CAD: variants seen among roughly 807,000 people sequenced by gnomAD.
CAD encodes the protein carbamoyl-phosphate synthetase 2, aspartate transcarbamylase, and dihydroorotase.
Under a neutral mutation model 237.2 loss-of-function variants are expected in CAD, and 81 were observed. The ratio of observed to expected loss-of-function variants is 0.34; its 90% CI spans 0.29 to 0.41. The LOEUF is 0.41. Ranked by LOEUF, CAD falls within the 10% of genes least tolerant of loss-of-function variation. The pLI is 1.00. For missense variants in CAD, 2,181 were observed against 2,951.7 expected, an observed-to-expected ratio of 0.74 and a Z score of 6.05; for synonymous variants, 1,196 against 1,162.8, an observed-to-expected ratio of 1.03 and a Z score of -0.58.
At position 27,242,111 on chromosome 2, in the gene CAD, T is replaced by C. The variant is rs767928958; in HGVS notation, c.6084T>C (p.Pro2028=). The C allele has an allele frequency of 1.2e-6, 2 of 1,612,760 alleles. No homozygotes were observed. Among genetic ancestry groups the C allele is most frequent in the Admixed American group, 1.7e-5 (1 of 60,018 alleles). The change falls in exon 39 of 44, where the codon CCT becomes CCC. Residue 2028 remains proline, a synonymous_variant. Coordinates refer to ENST00000264705, the MANE Select transcript of CAD (RefSeq NM_004341.5). The surrounding 1 kb of genome is among the most constrained non-coding windows in gnomAD (Gnocchi z 6.4). ...TCGTCGTGCTCCGGCACCCCCAGCC[T>C]GGAGCAGTGGAGGTGAGGCCAGCCT... is the stretch of plus-strand genomic sequence containing the variant. ...ADVVVLRHPQ[P]GAVELAAKHC... is the part of the protein sequence containing the mutation.
chr2:27,223,143 G>A (rs530233296), intron 6 of CAD, 106 bp downstream of exon 6: 10 of 1,258,196 alleles, frequency 7.9e-6, no homozygotes, highest in Admixed American at 2.0e-5. Flanking sequence ...AATAGGAGCG[G>A]GGGGGTTGCA....
At chr2:27,231,154 C>T (rs910459135) in intron 15 of CAD, among the ~76,000 whole-genome samples, 1 of 152,156 alleles carries the variant, frequency 6.6e-6, no homozygotes, top group Non-Finnish European at 1.5e-5. Flanking sequence ...TACAGGCGCC[C>T]GCCACCACTC....
rs753530814 is a variant in CAD at position 27,225,110 on chromosome 2, G to A, written c.1487G>A (p.Arg496Gln). Residue 496 changes from arginine to glutamine, a missense_variant, in exon 11 of 44, where the codon CGG becomes CAG. Physicochemically the swap from Arg to Gln is conservative, Grantham distance 43 (BLOSUM62 1). Around this residue, in one of 12 missense-constraint regions of CAD, gnomAD observed 174 missense variants for 215.8 expected, o/e 0.81. Transcript: ENST00000264705. ...CTGACCAAGGCCGGGGTGCTGGCTCGGTATGGGGTCCGGGTCCTGGGCACA... is the reference window on the plus strand; with the variant it reads ...CTGACCAAGGCCGGGGTGCTGGCTCAGTATGGGGTCCGGGTCCTGGGCACA... ...VELTKAGVLARYGVRVLGTPV... is the reference protein window; with the variant it reads ...VELTKAGVLAQYGVRVLGTPV... 18 of 1,614,118 alleles carry A rather than the reference G, an allele frequency of 1.1e-5. No homozygotes were observed. The highest frequency in any genetic ancestry group is 4.5e-5 in the East Asian group (2 of 44,888).
chr2:27,231,582 T>G lies in CAD; in HGVS notation c.2400+2T>G. The G allele has an allele frequency of 6.3e-7, 1 of 1,584,684 alleles. No individual in the cohort carries two copies. Among genetic ancestry groups the G allele is most frequent in the Non-Finnish European group, 8.7e-7 (1 of 1,153,262 alleles). On this transcript the variant is annotated splice_donor_variant, in intron 16 of 43. Coordinates refer to ENST00000264705, the MANE Select transcript of CAD (RefSeq NM_004341.5). LOFTEE classifies it high-confidence loss of function. ...ACAGTGAAACCAGTCAGCGATATGG[T>G]AAGTAGCTCCCCTCCCCTGGCAATA...
Position 27,234,118 on chromosome 2 carries a change from C to T in CAD, c.3510C>T (p.Pro1170=), listed in dbSNP as rs748683362. The T allele has an allele frequency of 8.7e-6, 14 of 1,614,030 alleles. No individual in the cohort carries two copies. In the Middle Eastern group the frequency reaches 1.5e-3, roughly 171 times the overall value. The stretch of plus-strand genomic sequence containing the variant: ...CAGGTGATGCGACGCTGGTGACCCC[C>T]CCACAAGATATCACTGCCAAAACCC... ...VHSGDATLVT[P]PQDITAKTLE... The change falls in exon 22 of 44, where the codon CCC becomes CCT. Residue 1170 remains proline (P), a synonymous_variant. Transcript: ENST00000264705.
chr2:27,239,716 A>G lies in CAD; in HGVS notation c.5414A>G (p.Tyr1805Cys). 6.3e-7 allele frequency: 1 copy of G among 1,592,354 alleles called. No homozygotes were observed. The highest frequency in any genetic ancestry group is 8.6e-7 in the Non-Finnish European group (1 of 1,168,356). ...CTGCAGGTTCTGGTACCCCCGGGCT[A>G]TGGACAGGATGTACGGAAGTGGCCA... Reference protein sequence around the residue: ...IDGQVLVPPGYGQDVRKWPQG... With the variant: ...IDGQVLVPPGCGQDVRKWPQG... Residue 1805 changes from tyrosine to cysteine, a missense_variant, in exon 34 of 44, where the codon TAT becomes TGT. Physicochemically the swap from Tyr to Cys is radical, Grantham distance 194 (BLOSUM62 -2). Around this residue, in one of 12 missense-constraint regions of CAD, gnomAD observed 478 missense variants for 515.0 expected, o/e 0.93. Coordinates refer to ENST00000264705, the MANE Select transcript of CAD (RefSeq NM_004341.5). This position sits in a 1 kb window ranked among gnomAD's most constrained non-coding sequence, Gnocchi z 4.0.
chr2:27,237,273 C>T lies in CAD; in HGVS notation c.4397-106C>T. 1.7e-6 allele frequency: 2 copies of T among 1,199,326 alleles called. No homozygotes were observed. Among genetic ancestry groups the T allele is most frequent in the Non-Finnish European group, 2.4e-6 (2 of 823,860 alleles). The allele number at this position is 1,199,326 out of a possible 1,614,324, so 74.3% of individuals were successfully genotyped here. Reference sequence around the variant, plus strand: ...TCCTGATCTCAGGTGATCTGCCCACCTCGGCCTCCCAAAGTGCTAGGATTA... The same window carrying T: ...TCCTGATCTCAGGTGATCTGCCCACTTCGGCCTCCCAAAGTGCTAGGATTA... On this transcript the variant is annotated intron_variant, in intron 27 of 43. Transcript: ENST00000264705. This position sits in a 1 kb window ranked among gnomAD's most constrained non-coding sequence, Gnocchi z 4.0.
Position 27,223,036 on chromosome 2 carries a change from A to C in CAD, c.808A>C (p.Arg270=). ...LAIGAKTYKM[R]YGNRGHNQPC... is the part of the protein sequence containing the mutation. The stretch of plus-strand genomic sequence containing the variant: ...CATTGGGGCCAAGACTTACAAGATG[A>C]GGTGGGACTTGTGGGGAGCAGAAGG... Residue 270 remains arginine, a splice_region_variant and synonymous_variant, in exon 6 of 44, where the codon AGA becomes CGA. Coordinates refer to ENST00000264705, the MANE Select transcript of CAD (RefSeq NM_004341.5). The C allele has an allele frequency of 6.2e-7, 1 of 1,613,268 alleles. No individual in the cohort carries two copies. Among genetic ancestry groups the C allele is most frequent in the South Asian group, 1.1e-5 (1 of 91,046 alleles).
rs747764366 is a variant in CAD, at chr2:27,239,711, G to A, written c.5409G>A (p.Pro1803=). 9 of 1,589,356 alleles carry A rather than the reference G, an allele frequency of 5.7e-6. No homozygotes were observed. Among genetic ancestry groups the A allele is most frequent in the South Asian group, 2.3e-5 (2 of 87,824 alleles). ...AYIDGQVLVP[P]GYGQDVRKWP... ...TCTGCCTGCAGGTTCTGGTACCCCC[G>A]GGCTATGGACAGGATGTACGGAAGT... is the stretch of plus-strand genomic sequence containing the variant. The change falls in exon 34 of 44, where the codon CCG becomes CCA. Residue 1803 remains proline, a synonymous_variant. Transcript: ENST00000264705. This position sits in a 1 kb window ranked among gnomAD's most constrained non-coding sequence, Gnocchi z 4.0.
chr2:27,231,898 C>A (rs970403382), intron 16 of CAD, 82 bp from the exon 17 acceptor site: 3 of 1,548,820 alleles, frequency 1.9e-6, no homozygotes, highest in Non-Finnish European at 2.7e-6. Flanking sequence ...GTTTCCCCTT[C>A]CTGAGACAAG....
At position 27,222,294 on chromosome 2, in the gene CAD, G is replaced by T; in HGVS notation, c.453G>T (p.Leu151Phe). The T allele has an allele frequency of 1.2e-6, 2 of 1,613,482 alleles. No homozygotes were observed. The change falls in exon 4 of 44, where the codon TTG (leucine) becomes TTT (phenylalanine). Residue 151 changes from leucine (L) to phenylalanine (F), a missense_variant. Leu to Phe is a conservative substitution (Grantham distance 22). Around this residue, in one of 12 missense-constraint regions of CAD, gnomAD observed 314 missense variants for 339.4 expected, o/e 0.93. Coordinates refer to ENST00000264705, the MANE Select transcript of CAD (RefSeq NM_004341.5). Reference sequence around the variant, plus strand: ...CAGAACCTTCATCCCTGCCATTCTTGGACCCCAATGCCCGCCCCCTGGTAC... The same window carrying T: ...CAGAACCTTCATCCCTGCCATTCTTTGACCCCAATGCCCGCCCCCTGGTAC... ...NGTEPSSLPF[L>F]DPNARPLVPE...
intron 11 of CAD, among the ~76,000 whole-genome samples, chr2:27,225,461 C>T (rs566677777): frequency 1.6e-4 from 24 of 152,118 alleles, no homozygotes; most frequent in African/African-American, 5.8e-4. Flanking sequence ...CATGCGCCAC[C>T]ATGCCCAGCT....
chr2:27,237,383 G>T lies in CAD; in HGVS notation c.4401G>T (p.Leu1467Phe), dbSNP rs1014005149. Reference protein sequence around the residue: ...TSQKLVRLPGLIDVHVHLREP... With the variant: ...TSQKLVRLPGFIDVHVHLREP... The stretch of plus-strand genomic sequence containing the variant: ...GCTGCTTCCATTTTCTCCCAGGATT[G>T]ATTGATGTCCATGTGCACCTGCGGG... The change falls in exon 28 of 44, where the codon TTG becomes TTT. Residue 1467 changes from leucine to phenylalanine, a missense_variant. Leu to Phe is a conservative substitution (Grantham distance 22). This residue lies in a region of CAD where 478 missense variants were observed against 515.0 expected (regional missense o/e 0.93). Transcript: ENST00000264705. This position sits in a 1 kb window ranked among gnomAD's most constrained non-coding sequence, Gnocchi z 4.0. The T allele has an allele frequency of 1.2e-6, 2 of 1,614,112 alleles. No homozygotes were observed. The highest frequency in any genetic ancestry group is 1.1e-5 in the South Asian group (1 of 91,074).
chr2:27,233,362 C>T lies in CAD; in HGVS notation c.3042C>T (p.Ser1014=), dbSNP rs774242982. 6.2e-7 allele frequency: 1 copy of T among 1,614,234 alleles called. No homozygotes were observed. The highest frequency in any genetic ancestry group is 8.5e-7 in the Non-Finnish European group (1 of 1,180,032). Residue 1014 remains serine, a synonymous_variant, in exon 20 of 44, where the codon TCC becomes TCT. Transcript: ENST00000264705. This position sits in a 1 kb window ranked among gnomAD's most constrained non-coding sequence, Gnocchi z 6.3. ...ELENPEGVIL[S]MGGQLPNNMA... ...AGAACCCTGAAGGTGTGATCCTATC[C>T]ATGGGTGGACAGCTGCCCAACAACA...
In CAD at chr2:27,242,491, G is replaced by T; in HGVS notation, c.6222+64G>T. ...CGATCTAGAGAGGGAGGCAGGAAGT[G>T]GTTACCCCGGTACAGGACAGCTGCA... On this transcript the variant is annotated intron_variant, in intron 40 of 43. Coordinates refer to ENST00000264705, the MANE Select transcript of CAD (RefSeq NM_004341.5). This position sits in a 1 kb window ranked among gnomAD's most constrained non-coding sequence, Gnocchi z 6.4. 11 of 1,587,878 alleles carry T rather than the reference G, an allele frequency of 6.9e-6. No homozygotes were observed. Among genetic ancestry groups the T allele is most frequent in the Non-Finnish European group, 8.6e-6 (10 of 1,163,668 alleles).
intron 16 of CAD, 78 bp downstream of exon 16, chr2:27,231,658 C>G: frequency 1.2e-6 from 1 of 863,550 alleles, no homozygotes; most frequent in East Asian, 2.5e-5. Context: ...GAGCTTGTTA[C>G]CAGTAACACT....
At chr2:27,221,518 C>A (rs1027094797) in intron 3 of CAD, among the ~76,000 whole-genome samples, 171 bp downstream of exon 3, 1 of 152,104 alleles carries the variant, frequency 6.6e-6, no homozygotes, top group Non-Finnish European at 1.5e-5. Context: ...AAGAAAATTT[C>A]CAACACAGGA....
In CAD at chr2:27,237,388, A is replaced by C; in HGVS notation, c.4406A>C (p.Asp1469Ala). 1 of 1,614,126 alleles carries C rather than the reference A, an allele frequency of 6.2e-7. No individual in the cohort carries two copies. Among genetic ancestry groups the C allele is most frequent in the Non-Finnish European group, 8.5e-7 (1 of 1,179,998 alleles). Reference protein sequence around the residue: ...QKLVRLPGLIDVHVHLREPGG... With the variant: ...QKLVRLPGLIAVHVHLREPGG... ...TTCCATTTTCTCCCAGGATTGATTG[A>C]TGTCCATGTGCACCTGCGGGAACCA... is the stretch of plus-strand genomic sequence containing the variant. The change falls in exon 28 of 44, where the codon GAT (aspartate) becomes GCT (alanine). Residue 1469 changes from aspartate to alanine, a missense_variant. Physicochemically the swap from Asp to Ala is moderately radical, Grantham distance 126. This residue lies in a region of CAD where 478 missense variants were observed against 515.0 expected (regional missense o/e 0.93). Coordinates refer to ENST00000264705, the MANE Select transcript of CAD (RefSeq NM_004341.5). This position sits in a 1 kb window ranked among gnomAD's most constrained non-coding sequence, Gnocchi z 4.0.
rs1674912847 is a variant in CAD, at chr2:27,217,393, C to A, written c.-159C>A. 1 of 659,524 alleles carries A rather than the reference C, an allele frequency of 1.5e-6. No individual in the cohort carries two copies. Among genetic ancestry groups the A allele is most frequent in the Non-Finnish European group, 2.7e-6 (1 of 371,500 alleles). The allele number at this position is 659,524 out of a possible 1,614,324, so 40.9% of individuals were successfully genotyped here. ...CAGTCTCTGCTGCTGCCGCCAAGCG[C>A]GCCCGAGGCTCCTACGCTGCCGCGC... On this transcript the variant is annotated 5_prime_UTR_variant, in exon 1 of 44. Coordinates refer to ENST00000264705, the MANE Select transcript of CAD (RefSeq NM_004341.5).
Sources: gnomAD v4.1 joint callset for allele counts (sites outside exome capture counted in the v4.1 genomes callset) on GRCh38, gnomAD v4.1.1 for gene constraint, gnomAD v4.1.1 regional missense constraint, Gnocchi (gnomAD v3.1) non-coding constraint, MANE v1.5 for transcripts, NCBI Gene and HGNC (gene_info 2026-07-23, HGNC 2026-07-21) for gene names.